TARBP1: variants seen among roughly 807,000 people sequenced by gnomAD.
The protein encoded by TARBP1 is tRNA guanosine 2 -O-methyltransferase TARBP1.
Under a neutral mutation model 178.6 loss-of-function variants are expected in TARBP1, and 144 were observed. The observed-to-expected ratio is 0.81, with a 90% CI of 0.70 to 0.93. TARBP1 has a LOEUF of 0.93. Ranked by LOEUF, TARBP1 falls within the 40% of genes least tolerant of loss-of-function variation. The probability of loss-of-function intolerance (pLI) is 0.00; values close to 1 mark genes in which losing one functional copy is unlikely to be tolerated. For missense variants in TARBP1, 2,067 were observed against 2,011.7 expected, an observed-to-expected ratio of 1.03 and a Z score of -0.53; for synonymous variants, 787 against 781.0, an observed-to-expected ratio of 1.01 and a Z score of -0.13.
At position 234,401,230 on chromosome 1, in the gene TARBP1, T is replaced by C; in HGVS notation, c.4022A>G (p.Glu1341Gly). ...NAKKNWQRIQ[E>G]HFFFATFHPL... is the part of the protein sequence containing the mutation. ...GTGAAATGTTGCAAAAAAGAAATGC[T>C]CCTGAATGCGTTGCCAATTCTTCTT... is the stretch of plus-strand genomic sequence containing the variant. The change falls in exon 25 of 30, where the codon GAG (glutamate) becomes GGG (glycine). Residue 1341 changes from glutamate to glycine, a missense_variant. Coordinates refer to ENST00000040877, the MANE Select transcript of TARBP1 (RefSeq NM_005646.4). 6.2e-7 allele frequency: 1 copy of C among 1,613,614 alleles called. No homozygotes were observed. Among genetic ancestry groups the C allele is most frequent in the Non-Finnish European group, 8.5e-7 (1 of 1,179,752 alleles).
intron 9 of TARBP1, among the ~76,000 whole-genome samples, chr1:234,453,175 T>C (rs534204758): frequency 7.2e-5 from 11 of 152,316 alleles, no homozygotes; most frequent in African/African-American, 2.6e-4. Flanking sequence ...ATGTCAACTA[T>C]GACCTTTAGT....
At chr1:234,435,377 C>T (rs897580517) in intron 13 of TARBP1, among the ~76,000 whole-genome samples, 1 of 152,024 alleles carries the variant, frequency 6.6e-6, no homozygotes, top group Admixed American at 6.6e-5. Flanking sequence ...ACCAGCTACT[C>T]GAGGCTGAGG....
intron 20 of TARBP1, among the ~76,000 whole-genome samples, chr1:234,423,067 G>T (rs1487421098): frequency 6.6e-6 from 1 of 152,182 alleles, no homozygotes; most frequent in African/African-American, 2.4e-5. Context: ...TTTCTAACAA[G>T]TTCCCAGGGA....
In TARBP1 at chr1:234,418,213, A is replaced by AT; in HGVS notation, c.3575_3576insA (p.Asp1193Ter). On this transcript the variant is annotated frameshift_variant, in exon 22 of 30. Transcript: ENST00000040877. LOFTEE classifies it high-confidence loss of function. ...TGAAACCAGCCTGGAAAATCCTGTC[A>AT]ATAATTCCATTCAAGAAATTCTGAG... The AT allele has an allele frequency of 6.4e-7, 1 of 1,554,614 alleles. No individual in the cohort carries two copies. The highest frequency in any genetic ancestry group is 1.4e-5 in the African/African-American group (1 of 71,028).
intron 22 of TARBP1, among the ~76,000 whole-genome samples, chr1:234,417,195 A>T (rs563472465): frequency 2.0e-5 from 3 of 152,340 alleles, no homozygotes; most frequent in Admixed American, 6.5e-5. Flanking sequence ...CAGTGATTTG[A>T]GGAAGGCAAA....
At position 234,427,705 on chromosome 1, in the gene TARBP1, C is replaced by T; in HGVS notation, c.3122G>A (p.Ser1041Asn). ...IKTGVFNTLI[S>N]YCCQSWIVSA... is the part of the protein sequence containing the mutation. ...CACTATCCAAGACTGACAGCAGTAA[C>T]TTATCAGTGTATTGAAGACTCCAGT... The change falls in exon 18 of 30, where the codon AGT becomes AAT. Residue 1041 changes from serine to asparagine, a missense_variant. Coordinates refer to ENST00000040877, the MANE Select transcript of TARBP1 (RefSeq NM_005646.4). 1 of 1,543,074 alleles carries T rather than the reference C, an allele frequency of 6.5e-7. No individual in the cohort carries two copies. The highest frequency in any genetic ancestry group is 8.7e-7 in the Non-Finnish European group (1 of 1,154,374).
chr1:234,400,275 G>A (rs1346178586), intron 25 of TARBP1: 2 of 152,164 alleles, frequency 1.3e-5, no homozygotes, highest in African/African-American at 4.8e-5. Flanking sequence ...TAACACTAGA[G>A]TGACTAGAGG....
chr1:234,423,692 G>T (rs1663369239), intron 20 of TARBP1, among the ~76,000 whole-genome samples: 2 of 151,006 alleles, frequency 1.3e-5, no homozygotes, highest in Admixed American at 1.3e-4. Context: ...TTCATCCAGA[G>T]CTCAGCCCAA....
chr1:234,415,932 C>T (rs1662368560), intron 22 of TARBP1, among the ~76,000 whole-genome samples: 2 of 152,194 alleles, frequency 1.3e-5, no homozygotes, highest in Non-Finnish European at 2.9e-5. Context: ...TTTTTGAATC[C>T]CATTTTGATT....
chr1:234,458,442 A>T (rs270515), intron 8 of TARBP1, among the ~76,000 whole-genome samples: 55,924 of 152,116 alleles, frequency 0.37, 10,898 homozygotes, highest in African/African-American at 0.51. Context: ...ACATCTTGAA[A>T]TAAGATACCT....
chr1:234,471,629 C>A (rs6697268), intron 2 of TARBP1, among the ~76,000 whole-genome samples: 1 of 152,042 alleles, frequency 6.6e-6, no homozygotes, highest in African/African-American at 2.4e-5. Context: ...TGGCTGCACA[C>A]GCTTAGAACG....
intron 20 of TARBP1, among the ~76,000 whole-genome samples, chr1:234,424,038 C>T (rs1489381644): frequency 6.6e-6 from 1 of 152,228 alleles, no homozygotes; most frequent in East Asian, 1.9e-4. Context: ...TCTTCCTTGA[C>T]TCCAACACTA....
intron 20 of TARBP1, among the ~76,000 whole-genome samples, chr1:234,422,966 A>G (rs1205403143): frequency 6.6e-6 from 1 of 152,228 alleles, no homozygotes; most frequent in Non-Finnish European, 1.5e-5. Flanking sequence ...TATCAGCTCC[A>G]GAATCACAAG....
At chr1:234,465,172 C>A (rs149312262) in intron 5 of TARBP1, among the ~76,000 whole-genome samples, 144 of 152,188 alleles carry the variant, frequency 9.5e-4, no homozygotes, top group Middle Eastern at 3.4e-3. Flanking sequence ...AAGAAAGATG[C>A]GCACACAGGG....
chr1:234,465,812 C>T, intron 4 of TARBP1, 104 bp from the exon 5 acceptor site: 2 of 1,056,960 alleles, frequency 1.9e-6, no homozygotes, highest in Non-Finnish European at 2.6e-6. Flanking sequence ...TTACAGAAGA[C>T]CTGCTATAAG....
At chr1:234,460,621 C>A (rs187541399) in intron 6 of TARBP1, among the ~76,000 whole-genome samples, 2 of 152,054 alleles carry the variant, frequency 1.3e-5, no homozygotes, top group Admixed American at 1.3e-4. Context: ...ACGGTGCAGC[C>A]GCTGTGGAAA....
rs1480996030 is a variant in TARBP1 at position 234,465,712 on chromosome 1, A to T, written c.1249-4T>A. 6.5e-6 allele frequency: 5 copies of T among 773,014 alleles called. No individual in the cohort carries two copies. The South Asian group carries it at 7.2e-5, about 11-fold the overall frequency. 47.9% of individuals were successfully genotyped at this position (773,014 alleles called of 1,614,324 possible). A position where few individuals can be genotyped will look rare whatever the true frequency, so the allele number is the denominator to read the frequency against. ...CCATTAATGGTCCAATAATAAACTA[A>T]AAAAAAAAAAAAAAAAAGACACGTA... On this transcript the variant is annotated splice_polypyrimidine_tract_variant and splice_region_variant and intron_variant, in intron 4 of 29. Transcript: ENST00000040877.
At chr1:234,430,038 A>G (rs1455832290) in intron 15 of TARBP1, 49 bp downstream of exon 15, 1 of 1,537,498 alleles carries the variant, frequency 6.5e-7, no homozygotes, top group African/African-American at 1.4e-5. Context: ...TCATGAACTC[A>G]CGGTGACAAC....
chr1:234,402,241 G>A (rs1239838011), intron 24 of TARBP1, among the ~76,000 whole-genome samples: 2 of 152,222 alleles, frequency 1.3e-5, no homozygotes, highest in Non-Finnish European at 2.9e-5. Context: ...GAAGGAGACT[G>A]TCTCGTTTTC....
Sources: allele counts gnomAD v4.1 joint callset (sites outside exome capture counted in the v4.1 genomes callset), GRCh38; gene constraint gnomAD v4.1.1; transcripts MANE v1.5; gene names NCBI Gene and HGNC (gene_info 2026-07-23, HGNC 2026-07-21).